SLIT1: variants seen among roughly 807,000 people sequenced by gnomAD.
SLIT1 encodes slit homolog 1 protein.
In SLIT1, 66 loss-of-function variants were observed where a neutral mutation model predicts 186.1. The ratio of observed to expected loss-of-function variants is 0.35; its 90% CI spans 0.29 to 0.44. SLIT1 has a LOEUF of 0.44. Ranked by LOEUF, SLIT1 falls within the 20% of genes least tolerant of loss-of-function variation. The pLI is 1.00. For synonymous variants in SLIT1, 761 were observed against 833.8 expected, an observed-to-expected ratio of 0.91 and a Z score of 1.50; for missense variants, 1,638 against 2,037.4, an observed-to-expected ratio of 0.80 and a Z score of 3.77.
intron 31 of SLIT1, among the ~76,000 whole-genome samples, chr10:97,009,839 C>T (rs188516565): frequency 6.6e-6 from 1 of 152,228 alleles, no homozygotes; most frequent in Admixed American, 6.5e-5. Flanking sequence ...AAAATTTTTT[C>T]CAAAGAAGAT....
chr10:97,122,383 C>T (rs1284656863), intron 4 of SLIT1, among the ~76,000 whole-genome samples: 1 of 152,132 alleles, frequency 6.6e-6, no homozygotes, highest in African/African-American at 2.4e-5. Flanking sequence ...AGATGTGCAC[C>T]CCAGCTCTCC....
At chr10:97,090,333 A>T (rs1479531328) in intron 4 of SLIT1, among the ~76,000 whole-genome samples, 1 of 152,210 alleles carries the variant, frequency 6.6e-6, no homozygotes, top group Non-Finnish European at 1.5e-5. Flanking sequence ...AGCCAAGCAG[A>T]GTCCTGGGAA....
chr10:97,144,279 T>C (rs993715265), intron 4 of SLIT1, among the ~76,000 whole-genome samples: 3 of 151,704 alleles, frequency 2.0e-5, no homozygotes, highest in Admixed American at 6.6e-5. Flanking sequence ...TATCCAGGGG[T>C]TTATTTCTTC....
At position 97,166,573 on chromosome 10, in the gene SLIT1, A is replaced by AGAGAGAG. The variant is rs1564692765; in HGVS notation, c.198-1684_198-1683insCTCTCTC. Among the ~76,000 whole-genome samples the AGAGAGAG allele has an allele frequency of 8.9e-4, 40 of 45,014 alleles. 1 individual carries two copies. The highest frequency in any genetic ancestry group is 3.5e-3 in the Admixed American group (12 of 3,436). The allele number at this position is 45,014 out of a possible 152,430, so 29.5% of individuals were successfully genotyped here. On this transcript the variant is annotated intron_variant, in intron 1 of 36. Transcript: ENST00000266058. The stretch of plus-strand genomic sequence containing the variant: ...AAGGAAGGAAAGAGAGAGAGAGAGA[A>AGAGAGAG]AGAAAGAAAGAAAGAAAGAAAGAAA...
chr10:97,061,197 T>G (rs1375605082), intron 8 of SLIT1, among the ~76,000 whole-genome samples: 1 of 152,238 alleles, frequency 6.6e-6, no homozygotes, highest in Non-Finnish European at 1.5e-5. Flanking sequence ...ATAAGTGCAC[T>G]ACATGCAGCA....
At chr10:97,170,363 C>T (rs190193873) in intron 1 of SLIT1, among the ~76,000 whole-genome samples, 8 of 152,358 alleles carry the variant, frequency 5.3e-5, no homozygotes, top group East Asian at 1.9e-4. Context: ...AAGAATAATG[C>T]CCGGCACACA....
At chr10:97,138,093 A>AT (rs1426535209) in intron 4 of SLIT1, among the ~76,000 whole-genome samples, 3 of 151,976 alleles carry the variant, frequency 2.0e-5, no homozygotes, top group Non-Finnish European at 2.9e-5. Context: ...CTTATATTGG[A>AT]TTTTTTTCAG....
intron 4 of SLIT1, among the ~76,000 whole-genome samples, chr10:97,070,114 C>T (rs988824233): frequency 1.9e-4 from 29 of 152,194 alleles, no homozygotes; most frequent in African/African-American, 7.0e-4. Context: ...CATTCTCCAG[C>T]CCCAGCCAAG....
intron 21 of SLIT1, among the ~76,000 whole-genome samples, chr10:97,038,160 A>C (rs1410111462): frequency 6.6e-6 from 1 of 151,784 alleles, no homozygotes; most frequent in Non-Finnish European, 1.5e-5. Context: ...CCCCCTGTCC[A>C]CCTGCTGGCA....
chr10:97,024,737 T>C (rs9665532), intron 25 of SLIT1, among the ~76,000 whole-genome samples: 1 of 152,106 alleles, frequency 6.6e-6, no homozygotes, highest in Non-Finnish European at 1.5e-5. Flanking sequence ...AATGTATTTC[T>C]AAGTATTTTT....
intron 4 of SLIT1, among the ~76,000 whole-genome samples, chr10:97,080,311 C>G (rs2134653596): frequency 6.6e-6 from 1 of 152,264 alleles, no homozygotes; most frequent in South Asian, 2.1e-4. Context: ...GCAAGGAGCT[C>G]CCTGCTACCC....
At position 97,168,349 on chromosome 10, in the gene SLIT1, CA is replaced by C. The variant is rs1307866172; in HGVS notation, c.198-3460del. On this transcript the variant is annotated intron_variant, in intron 1 of 36. Transcript: ENST00000266058. ...AAATGAAAGTCATACATAATCCCAT[CA>C]CTAAGAAATAACTCTTATTAATGTT... Among the ~76,000 whole-genome samples, 5 of 152,328 alleles carry C rather than the reference CA, an allele frequency of 3.3e-5. No homozygotes were observed. In the East Asian group the frequency reaches 9.6e-4, roughly 29 times the overall value.
intron 12 of SLIT1, 111 bp from the exon 13 acceptor site, chr10:97,056,575 C>T (rs1245872009): frequency 4.2e-6 from 5 of 1,204,068 alleles, no homozygotes; most frequent in Non-Finnish European, 4.8e-6. Context: ...GGGAGGAGCC[C>T]ATCGGAGCAG....
chr10:97,050,540 C>G (rs1005980088), intron 13 of SLIT1, among the ~76,000 whole-genome samples: 10 of 152,220 alleles, frequency 6.6e-5, no homozygotes, highest in African/African-American at 2.2e-4. Context: ...GCATCAAGCT[C>G]AACATTCATT....
intron 23 of SLIT1, among the ~76,000 whole-genome samples, chr10:97,033,895 C>T (rs556180646): frequency 6.3e-5 from 9 of 143,890 alleles, no homozygotes; most frequent in East Asian, 4.0e-4. Context: ...GACAGAGTCT[C>T]GCTCTATCAC....
chr10:97,085,496 T>C (rs1198465317), intron 4 of SLIT1, among the ~76,000 whole-genome samples: 1 of 152,022 alleles, frequency 6.6e-6, no homozygotes, highest in East Asian at 1.9e-4. Flanking sequence ...CAAGTGATTC[T>C]CCTGCCTCAG....
intron 4 of SLIT1, among the ~76,000 whole-genome samples, chr10:97,121,890 G>A (rs1394966955): frequency 2.6e-5 from 4 of 152,122 alleles, no homozygotes; most frequent in African/African-American, 4.8e-5. Flanking sequence ...TTGAGCACGC[G>A]CTACCTGATC....
intron 4 of SLIT1, among the ~76,000 whole-genome samples, chr10:97,091,873 A>G (rs1367266765): frequency 4.6e-5 from 7 of 152,226 alleles, no homozygotes; most frequent in Admixed American, 4.6e-4. Flanking sequence ...AATGATCTAA[A>G]CAAGCTCCAG....
At chr10:97,150,737 G>T (rs978096982) in intron 4 of SLIT1, among the ~76,000 whole-genome samples, 1 of 152,148 alleles carries the variant, frequency 6.6e-6, no homozygotes, top group Non-Finnish European at 1.5e-5. Context: ...AGAGCTGCAC[G>T]GCAGCAGAGA....
Sources: gnomAD v4.1 joint callset for allele counts (sites outside exome capture counted in the v4.1 genomes callset) on GRCh38, gnomAD v4.1.1 for gene constraint, MANE v1.5 for transcripts, NCBI Gene and HGNC (gene_info 2026-07-23, HGNC 2026-07-21) for gene names.